The following SRGAP3 variants were observed in gnomAD, a reference collection of about 807,000 sequenced individuals.
The protein encoded by SRGAP3 is SLIT-ROBO Rho GTPase-activating protein 3.
A neutral mutation model predicts 121.1 loss-of-function variants in SRGAP3; 39 were observed. The ratio of observed to expected loss-of-function variants is 0.32; its 90% CI spans 0.25 to 0.42. The LOEUF (loss-of-function observed/expected upper bound fraction) is 0.42, where lower values mean the gene tolerates loss of function less well. SRGAP3 is among the 10% of genes least tolerant of loss of function. The probability of loss-of-function intolerance (pLI) is 1.00; values close to 1 mark genes in which losing one functional copy is unlikely to be tolerated. For synonymous variants in SRGAP3, 601 were observed against 570.0 expected, an observed-to-expected ratio of 1.05 and a Z score of -0.77; for missense variants, 1,213 against 1,470.6, an observed-to-expected ratio of 0.82 and a Z score of 2.86.
At chr3:9,323,652 T>C (rs190813709) in intron 3 of SRGAP3, among the ~76,000 whole-genome samples, 72 of 151,908 alleles carry the variant, frequency 4.7e-4, no homozygotes, top group African/African-American at 1.6e-3. Flanking sequence ...TACTTAACAA[T>C]GCAGTCTCTG....
At position 9,215,245 on chromosome 3, in the gene SRGAP3, C is replaced by T. The variant is rs182134143; in HGVS notation, c.67+33640G>A. On this transcript the variant is annotated intron_variant, in intron 1 of 21. Coordinates refer to ENST00000383836, the MANE Select transcript of SRGAP3 (RefSeq NM_014850.4). ...ACCTTTTTCCACCCAATCCCAAAGG[C>T]GAGCAGCCCTTACTTTCGGCTCACT... Among the ~76,000 whole-genome samples, 325 of 152,294 alleles carry T rather than the reference C, an allele frequency of 2.1e-3. 1 individual carries two copies. Among genetic ancestry groups the T allele is most frequent in the Non-Finnish European group, 2.9e-3 (197 of 68,020 alleles).
At chr3:9,194,957 A>G (rs1418122978) in intron 1 of SRGAP3, among the ~76,000 whole-genome samples, 1 of 152,198 alleles carries the variant, frequency 6.6e-6, no homozygotes, top group African/African-American at 2.4e-5. Flanking sequence ...CCAGCTGATG[A>G]GGGAGATTAT....
rs1317203833 is a variant in SRGAP3 at position 9,056,295 on chromosome 3, G to C, written c.1063C>G (p.Leu355Val). The C allele has an allele frequency of 6.2e-7, 1 of 1,613,928 alleles. No individual in the cohort carries two copies. ...TGCAGCTGGTGATAACGCATGAGCA[G>C]TTCTGTCTGGACGGGCTGCTGAGCG... is the stretch of plus-strand genomic sequence containing the variant. The part of the protein sequence containing the change: ...VSAQQPVQTE[L>V]LMRYHQLQSR... The change falls in exon 8 of 22, where the codon CTG becomes GTG. Residue 355 changes from leucine to valine, a missense_variant. Around this residue, in one of 2 missense-constraint regions of SRGAP3, gnomAD observed 793 missense variants for 1,032.9 expected, o/e 0.77. Transcript: ENST00000383836.
chr3:9,336,385 T>G (rs1002244282), intron 1 of SRGAP3, among the ~76,000 whole-genome samples: 8 of 152,052 alleles, frequency 5.3e-5, no homozygotes, highest in Admixed American at 5.2e-4. Flanking sequence ...CTGATTAAAT[T>G]TTTATTTTTT....
At chr3:9,286,634 G>C (rs932076798) in intron 3 of SRGAP3, among the ~76,000 whole-genome samples, 1 of 151,928 alleles carries the variant, frequency 6.6e-6, no homozygotes, top group South Asian at 2.1e-4. Flanking sequence ...ACGGAGTCTC[G>C]CTCTGTCGCC....
chr3:8,986,584 A>C (rs1941720276), intron 21 of SRGAP3, among the ~76,000 whole-genome samples: 1 of 152,196 alleles, frequency 6.6e-6, no homozygotes, highest in Non-Finnish European at 1.5e-5. Context: ...TTAGCAGCAT[A>C]GCCCAAGTCT....
intron 1 of SRGAP3, among the ~76,000 whole-genome samples, chr3:9,179,449 T>A (rs1560355236): frequency 6.6e-6 from 1 of 152,228 alleles, no homozygotes; most frequent in Non-Finnish European, 1.5e-5. Context: ...TTTAACTTAG[T>A]TCTTGGCACT....
intron 1 of SRGAP3, among the ~76,000 whole-genome samples, chr3:9,359,091 T>C (rs923649883): frequency 6.6e-6 from 1 of 152,126 alleles, no homozygotes; most frequent in Non-Finnish European, 1.5e-5. Context: ...GGATATAAAT[T>C]CTATTTAGGG....
chr3:9,332,105 C>T (rs964345462), intron 1 of SRGAP3, among the ~76,000 whole-genome samples: 3 of 145,938 alleles, frequency 2.1e-5, no homozygotes, highest in East Asian at 2.1e-4. Flanking sequence ...GGTACAAGCC[C>T]TTTCATTGAG....
chr3:9,292,149 A>G (rs1954880931), intron 3 of SRGAP3, among the ~76,000 whole-genome samples: 1 of 152,244 alleles, frequency 6.6e-6, no homozygotes, highest in South Asian at 2.1e-4. Flanking sequence ...TCAGACTTTG[A>G]GAAACAATGA....
intron 14 of SRGAP3, among the ~76,000 whole-genome samples, chr3:9,022,511 G>T (rs1417076872): frequency 6.6e-6 from 1 of 152,194 alleles, no homozygotes; most frequent in Non-Finnish European, 1.5e-5. Context: ...AGATAAGCAG[G>T]CTGACGGCCA....
In SRGAP3 at chr3:8,994,344, T is replaced by C. The variant is rs1262014937; in HGVS notation, c.2407A>G (p.Met803Val). Reference protein sequence around the residue: ...IPHQYIVVQDMDDAFSDSLSQ... With the variant: ...IPHQYIVVQDVDDAFSDSLSQ... Reference sequence around the variant, plus strand: ...CACAGAATTCTCGACTCCACTCACATGTCCTGTACAACTATGTACTGATGG... The same window carrying C: ...CACAGAATTCTCGACTCCACTCACACGTCCTGTACAACTATGTACTGATGG... Residue 803 changes from methionine (M) to valine (V), a missense_variant and splice_region_variant, in exon 19 of 22, where the codon ATG (methionine) becomes GTG (valine). Coordinates refer to ENST00000383836, the MANE Select transcript of SRGAP3 (RefSeq NM_014850.4). 3 of 1,614,014 alleles carry C rather than the reference T, an allele frequency of 1.9e-6. No individual in the cohort carries two copies. Among genetic ancestry groups the C allele is most frequent in the Non-Finnish European group, 1.7e-6 (2 of 1,180,040 alleles).
intron 1 of SRGAP3, among the ~76,000 whole-genome samples, chr3:9,200,627 G>C (rs1340038537): frequency 6.6e-6 from 1 of 152,236 alleles, no homozygotes; most frequent in African/African-American, 2.4e-5. Context: ...CCCAGGCAAA[G>C]AAGGAAGACC....
At chr3:9,064,670 A>G (rs2125209963) in intron 4 of SRGAP3, 89 bp from the exon 5 acceptor site, 1 of 1,506,922 alleles carries the variant, frequency 6.6e-7, no homozygotes, top group Non-Finnish European at 9.1e-7. Context: ...CAAGTTCTAC[A>G]CTCTAGCTGG....
intron 10 of SRGAP3, among the ~76,000 whole-genome samples, chr3:9,040,038 T>C (rs1348938380): frequency 6.6e-6 from 1 of 152,236 alleles, no homozygotes; most frequent in African/African-American, 2.4e-5. Flanking sequence ...GTGCTCTCCT[T>C]GAAAACTGTC....
intron 3 of SRGAP3, among the ~76,000 whole-genome samples, chr3:9,315,950 T>C (rs2125280268): frequency 6.6e-6 from 1 of 152,392 alleles, no homozygotes; most frequent in East Asian, 1.9e-4. Context: ...GCTGAATTCC[T>C]CTTTGGCAAT....
At chr3:9,057,758 C>T (rs1173765624) in intron 7 of SRGAP3, among the ~76,000 whole-genome samples, 39 of 152,196 alleles carry the variant, frequency 2.6e-4, no homozygotes, top group Admixed American at 2.5e-3. Context: ...GCCTTCTTTC[C>T]ATTTGTTTTT....
intron 3 of SRGAP3, among the ~76,000 whole-genome samples, chr3:9,280,829 T>A (rs1357584210): frequency 1.3e-5 from 2 of 152,158 alleles, no homozygotes; most frequent in South Asian, 2.1e-4. Context: ...TACTTGAAAT[T>A]TTAGGTGCAC....
At chr3:9,177,021 T>C (rs550817802) in intron 1 of SRGAP3, among the ~76,000 whole-genome samples, 1 of 152,374 alleles carries the variant, frequency 6.6e-6, no homozygotes, top group Admixed American at 6.5e-5. Flanking sequence ...TTGCTGCTAA[T>C]GCCTTGATTT....
Sources: allele counts gnomAD v4.1 joint callset (sites outside exome capture counted in the v4.1 genomes callset), GRCh38; gene constraint gnomAD v4.1.1; regional missense constraint gnomAD v4.1.1; transcripts MANE v1.5; gene names NCBI Gene and HGNC (gene_info 2026-07-23, HGNC 2026-07-21).